KMT2C: variants seen among roughly 807,000 people sequenced by gnomAD.
KMT2C encodes the protein lysine methyltransferase 2C, also known as histone-lysine N-methyltransferase 2C.
A neutral mutation model predicts 507.9 loss-of-function variants in KMT2C; 88 were observed. The observed-to-expected ratio is 0.17, with a 90% CI of 0.15 to 0.21. The LOEUF (loss-of-function observed/expected upper bound fraction) is 0.21, where lower values mean the gene tolerates loss of function less well. Ranked by LOEUF, KMT2C falls within the 10% of genes least tolerant of loss-of-function variation. The pLI is 1.00. For missense variants in KMT2C, 4,954 were observed against 5,957.8 expected (o/e 0.83, Z 5.55); for synonymous variants, 2,049 against 2,080.8 (o/e 0.98, Z 0.42).
Position 152,144,127 on chromosome 7 carries a change from G to A in KMT2C, c.14343+586C>T, listed in dbSNP as rs2090873779. Among the ~76,000 whole-genome samples the A allele has an allele frequency of 6.6e-6, 1 of 152,236 alleles. No homozygotes were observed. The highest frequency in any genetic ancestry group is 1.5e-5 in the Non-Finnish European group (1 of 68,040). ...TTAGGAGCTGGACAAGTTTGACAAA[G>A]TAAGAGCTTTGTAATTCCATTCTGA... On this transcript the variant is annotated intron_variant, in intron 55 of 58. Transcript: ENST00000262189. The surrounding 1 kb of genome is among the most constrained non-coding windows in gnomAD (Gnocchi z 4.4).
intron 58 of KMT2C, chr7:152,137,151 C>T (rs1310876894): frequency 1.2e-5 from 6 of 482,994 alleles, no homozygotes; most frequent in South Asian, 2.5e-5. Flanking sequence ...GATCTGAGAA[C>T]GGGAGCCTGA....
intron 25 of KMT2C, 132 bp from the exon 26 acceptor site, chr7:152,203,196 CTCAAA>C: frequency 1.6e-6 from 1 of 627,308 alleles, no homozygotes; most frequent in Non-Finnish European, 2.4e-6. Context: ...ACAAAAAAAT[CTCAAA>C]TCAAGTTTGT....
At chr7:152,424,509 C>T (rs2097798631) in intron 1 of KMT2C, among the ~76,000 whole-genome samples, 1 of 151,988 alleles carries the variant, frequency 6.6e-6, no homozygotes, top group African/African-American at 2.4e-5. Context: ...TGCAGCCTCA[C>T]CCTCCTGGGC....
At chr7:152,198,448 A>T (rs996438122) in intron 27 of KMT2C, among the ~76,000 whole-genome samples, 1 of 152,238 alleles carries the variant, frequency 6.6e-6, no homozygotes, top group African/African-American at 2.4e-5. Context: ...AAATTAACTG[A>T]GTAACAAATG....
chr7:152,148,020 C>A lies in KMT2C; in HGVS notation c.13894+13G>T. 6.4e-7 allele frequency: 1 copy of A among 1,555,530 alleles called. No individual in the cohort carries two copies. Among genetic ancestry groups the A allele is most frequent in the Non-Finnish European group, 8.7e-7 (1 of 1,147,304 alleles). On this transcript the variant is annotated intron_variant, in intron 52 of 58. Transcript: ENST00000262189. This position sits in a 1 kb window ranked among gnomAD's most constrained non-coding sequence, Gnocchi z 7.1. ...TAAGTAGCACTGCACAGCATGTGAA[C>A]GGCAGACGTTACCTTTAGGTGAGAT...
At chr7:152,297,706 C>T (rs532779617) in intron 6 of KMT2C, among the ~76,000 whole-genome samples, 1 of 152,200 alleles carries the variant, frequency 6.6e-6, no homozygotes, top group African/African-American at 2.4e-5. Context: ...ATAAGTAACT[C>T]AACTACATCT....
At position 152,249,826 on chromosome 7, in the gene KMT2C, A is replaced by C. The variant is rs538342245; in HGVS notation, c.1813+50T>G. On this transcript the variant is annotated intron_variant, in intron 13 of 58. Coordinates refer to ENST00000262189, the MANE Select transcript of KMT2C (RefSeq NM_170606.3). ...TCGCAAAAATGTCTTTGGGATAAAG[A>C]CATTATCTTGTAACTCAATCAAATT... 2.6e-6 allele frequency: 3 copies of C among 1,144,854 alleles called. No individual in the cohort carries two copies. The Admixed American group carries it at 5.1e-5, about 19-fold the overall frequency. The allele number at this position is 1,144,854 out of a possible 1,614,324, so 70.9% of individuals were successfully genotyped here. A position where few individuals can be genotyped will look rare whatever the true frequency, so the allele number is the denominator to read the frequency against.
chr7:152,327,977 A>G lies in KMT2C; in HGVS notation c.389+2624T>C, dbSNP rs541043976. 1.3e-3 allele frequency among the ~76,000 whole-genome samples: 192 copies of G among 148,860 alleles called. 1 individual carries two copies. The highest frequency in any genetic ancestry group is 0.01 in the Middle Eastern group (3 of 290). ...CGCCTCAAAAAAAAAAAAAAAAAAG[A>G]AAAAAGAAAAAAAAATTTATACAGC... On this transcript the variant is annotated intron_variant, in intron 3 of 58. Transcript: ENST00000262189.
chr7:152,256,883 A>G (rs1231949686), intron 9 of KMT2C, among the ~76,000 whole-genome samples: 1 of 152,186 alleles, frequency 6.6e-6, no homozygotes, highest in Non-Finnish European at 1.5e-5. Context: ...ACGTAAGAAA[A>G]GTTCTCTCAC....
At chr7:152,150,871 G>T in intron 51 of KMT2C, 29 bp downstream of exon 51, 1 of 1,419,852 alleles carries the variant, frequency 7.0e-7, no homozygotes, top group Non-Finnish European at 1.0e-6. Flanking sequence ...GTTACACATT[G>T]TTATCAGCTG....
At chr7:152,322,139 A>T (rs1018271782) in intron 3 of KMT2C, among the ~76,000 whole-genome samples, 5 of 151,638 alleles carry the variant, frequency 3.3e-5, no homozygotes, top group African/African-American at 1.2e-4. Flanking sequence ...TGAGGCAGGC[A>T]GACTGCTTGA....
At chr7:152,416,588 T>C (rs1482734441) in intron 1 of KMT2C, among the ~76,000 whole-genome samples, 5 of 150,212 alleles carry the variant, frequency 3.3e-5, no homozygotes, top group African/African-American at 1.2e-4. Flanking sequence ...TAGCCAGGCA[T>C]GGTAGCGCGC....
At chr7:152,259,446 G>GCACACACACA (rs372982101) in intron 9 of KMT2C, among the ~76,000 whole-genome samples, 1,696 of 134,750 alleles carry the variant, frequency 0.013, 16 homozygotes, top group Middle Eastern at 0.022. Flanking sequence ...ACACACACGC[G>GCACACACACA]CACACACACA....
intron 38 of KMT2C, among the ~76,000 whole-genome samples, chr7:152,174,699 G>GA (rs971072611): frequency 6.6e-5 from 10 of 151,966 alleles, no homozygotes; most frequent in African/African-American, 2.2e-4. Context: ...GCATCTAAAT[G>GA]AAAAAAAGGG....
rs1296905613 is a variant in KMT2C at position 152,248,580 on chromosome 7, C to G, written c.1854G>C (p.Gln618His). ...CTTCACTATCAACTTCATTAGAAAT[C>G]TGTTTTTCCAATTCAGTATTCACTG... The part of the protein sequence containing the change: ...QHTVNTELEK[Q>H]ISNEVDSEDL... Residue 618 changes from glutamine (Q) to histidine (H), a missense_variant, in exon 14 of 59, where the codon CAG (glutamine) becomes CAC (histidine). Transcript: ENST00000262189. The G allele has an allele frequency of 1.2e-6, 2 of 1,613,154 alleles. No individual in the cohort carries two copies. Among genetic ancestry groups the G allele is most frequent in the African/African-American group, 2.7e-5 (2 of 74,902 alleles).
At position 152,182,959 on chromosome 7, in the gene KMT2C, C is replaced by T; in HGVS notation, c.5265+15G>A. The T allele has an allele frequency of 6.5e-7, 1 of 1,540,890 alleles. No individual in the cohort carries two copies. The highest frequency in any genetic ancestry group is 8.7e-7 in the Non-Finnish European group (1 of 1,148,000). On this transcript the variant is annotated intron_variant, in intron 35 of 58. Coordinates refer to ENST00000262189, the MANE Select transcript of KMT2C (RefSeq NM_170606.3). The stretch of plus-strand genomic sequence containing the variant: ...AATGCAACTTCAAAAAGTAGATTAT[C>T]CAAAAATTCCATACCTGTCTAAATT...
At chr7:152,196,588 A>G (rs2093969571) in intron 27 of KMT2C, among the ~76,000 whole-genome samples, 1 of 152,252 alleles carries the variant, frequency 6.6e-6, no homozygotes, top group African/African-American at 2.4e-5. Context: ...TTGCCCACTC[A>G]GTAATGACTG....
chr7:152,249,693 A>AAAAAAAAAAAC (rs2095533207), intron 13 of KMT2C, among the ~76,000 whole-genome samples, 183 bp downstream of exon 13: 3 of 149,288 alleles, frequency 2.0e-5, no homozygotes, highest in Admixed American at 6.6e-5. Flanking sequence ...AAAAAAAAAA[A>AAAAAAAAAAAC]AAAAAACCTT....
At chr7:152,381,794 G>A (rs1227329556) in intron 1 of KMT2C, among the ~76,000 whole-genome samples, 1 of 152,152 alleles carries the variant, frequency 6.6e-6, no homozygotes, top group Non-Finnish European at 1.5e-5. Flanking sequence ...AGTGATGTTT[G>A]ATTATTCCTT....
Sources: allele counts gnomAD v4.1 joint callset (sites outside exome capture counted in the v4.1 genomes callset), GRCh38; gene constraint gnomAD v4.1.1; non-coding constraint Gnocchi (gnomAD v3.1); transcripts MANE v1.5; gene names NCBI Gene and HGNC (gene_info 2026-07-23, HGNC 2026-07-21).